Variants in PIAS1 observed in about 807,000 individuals in gnomAD.
PIAS1 encodes the protein E3 SUMO-protein ligase PIAS1.
PIAS1 carries 6 observed loss-of-function variants against 71.3 expected under a neutral mutation model. That is an observed-to-expected ratio of 0.08 (90% CI 0.05 to 0.17). The LOEUF is 0.17. Among genes scored for constraint, PIAS1 ranks in the 10% least tolerant of loss-of-function variants. PIAS1 has a pLI of 1.00. For synonymous variants in PIAS1, 303 were observed against 292.9 expected, an observed-to-expected ratio of 1.03 and a Z score of -0.35; for missense variants, 555 against 793.6, an observed-to-expected ratio of 0.70 and a Z score of 3.61.
rs1175091657 is a variant in PIAS1 at position 68,193,765 on chromosome 15, G to A, written c.*5930G>A. 7.7e-6 allele frequency: 3 copies of A among 389,900 alleles called. No homozygotes were observed. The highest frequency in any genetic ancestry group is 1.4e-5 in the Non-Finnish European group (3 of 214,064). 24.2% of individuals were successfully genotyped at this position (389,900 alleles called of 1,614,324 possible). On this transcript the variant is annotated 3_prime_UTR_variant, in exon 14 of 14. Coordinates refer to ENST00000249636, the MANE Select transcript of PIAS1 (RefSeq NM_016166.3). Reference sequence around the variant, plus strand: ...ACCCAGGCCAGACTCCAAACCGCAGGCTCCTTCCATGCTTGAAAGGGCCGG... The same window carrying A: ...ACCCAGGCCAGACTCCAAACCGCAGACTCCTTCCATGCTTGAAAGGGCCGG...
chr15:68,058,746 T>G (rs192376799), intron 1 of PIAS1, among the ~76,000 whole-genome samples: 1 of 152,274 alleles, frequency 6.6e-6, no homozygotes, highest in East Asian at 1.9e-4. Context: ...ATCTGAGAAG[T>G]AAGCAGAAAA....
chr15:68,071,703 A>G (rs1324214413), intron 1 of PIAS1, among the ~76,000 whole-genome samples: 1 of 150,646 alleles, frequency 6.6e-6, no homozygotes, highest in Non-Finnish European at 1.5e-5. Flanking sequence ...AGTGGCTCAC[A>G]CCTGTAATCC....
intron 11 of PIAS1, among the ~76,000 whole-genome samples, chr15:68,180,911 G>T (rs1401163590): frequency 6.6e-6 from 1 of 152,176 alleles, no homozygotes; most frequent in East Asian, 1.9e-4. Context: ...TGGCTCAACT[G>T]TACCTTTCTC....
rs2093011650 is a variant in PIAS1 at position 68,174,745 on chromosome 15, G to A, written c.1169+853G>A. ...ACCTGTAGTATTTAAGAAAACATAGGAGCCTAAAGGTGGTAATATCAGAAA... is the reference window on the plus strand; with the variant it reads ...ACCTGTAGTATTTAAGAAAACATAGAAGCCTAAAGGTGGTAATATCAGAAA... On this transcript the variant is annotated intron_variant, in intron 9 of 13. Coordinates refer to ENST00000249636, the MANE Select transcript of PIAS1 (RefSeq NM_016166.3). This position sits in a 1 kb window ranked among gnomAD's most constrained non-coding sequence, Gnocchi z 4.0. 6.6e-6 allele frequency among the ~76,000 whole-genome samples: 1 copy of A among 152,110 alleles called. No homozygotes were observed. The highest frequency in any genetic ancestry group is 6.6e-5 in the Admixed American group (1 of 15,264).
rs764527460 is a variant in PIAS1, at chr15:68,185,887, G to A, written c.1663-1655G>A. The stretch of plus-strand genomic sequence containing the variant: ...TGAGGCAGAAGAATCACTTGAACCT[G>A]GGAGGCGGAGGTTGCAGTGAGCCGA... On this transcript the variant is annotated intron_variant, in intron 13 of 13. Transcript: ENST00000249636. The surrounding 1 kb of genome is among the most constrained non-coding windows in gnomAD (Gnocchi z 4.4). Among the ~76,000 whole-genome samples, 4 of 152,058 alleles carry A rather than the reference G, an allele frequency of 2.6e-5. No individual in the cohort carries two copies. Among genetic ancestry groups the A allele is most frequent in the African/African-American group, 4.8e-5 (2 of 41,394 alleles).
chr15:68,076,500 A>G (rs1342580381), intron 1 of PIAS1, among the ~76,000 whole-genome samples: 1 of 152,148 alleles, frequency 6.6e-6, no homozygotes, highest in African/African-American at 2.4e-5. Context: ...ACTCTGTCTC[A>G]AAAAAAGAAA....
chr15:68,181,816 A>T (rs1190756376), intron 12 of PIAS1: 1 of 157,788 alleles, frequency 6.3e-6, no homozygotes, highest in African/African-American at 2.4e-5. Context: ...AGTAGCTGGG[A>T]TTATAGGCGC....
At chr15:68,161,919 ACT>A (rs1485182775) in intron 7 of PIAS1, among the ~76,000 whole-genome samples, 6 of 150,120 alleles carry the variant, frequency 4.0e-5, no homozygotes, top group Non-Finnish European at 5.9e-5. Flanking sequence ...ACAGAGTGAG[ACT>A]CTGTCTCAAA....
intron 2 of PIAS1, among the ~76,000 whole-genome samples, chr15:68,128,377 G>A (rs747853936): frequency 6.6e-6 from 1 of 152,074 alleles, no homozygotes; most frequent in Non-Finnish European, 1.5e-5. Context: ...TTGTTGCCCA[G>A]GCTTAAATGA....
At chr15:68,092,987 C>T (rs144134179) in intron 2 of PIAS1, among the ~76,000 whole-genome samples, 51 of 152,314 alleles carry the variant, frequency 3.3e-4, no homozygotes, top group African/African-American at 1.2e-3. Context: ...AAACATCTTA[C>T]TTTAATGTAT....
intron 1 of PIAS1, among the ~76,000 whole-genome samples, chr15:68,080,939 C>CA (rs2092222987): frequency 6.6e-6 from 1 of 152,152 alleles, no homozygotes; most frequent in African/African-American, 2.4e-5. Context: ...TGTTGTTCAA[C>CA]AAGAAGTACC....
In PIAS1 at chr15:68,174,438, T is replaced by G. The variant is rs1210717584; in HGVS notation, c.1169+546T>G. Among the ~76,000 whole-genome samples, 2 of 152,208 alleles carry G rather than the reference T, an allele frequency of 1.3e-5. No homozygotes were observed. Among genetic ancestry groups the G allele is most frequent in the Non-Finnish European group, 2.9e-5 (2 of 68,030 alleles). ...TATCCTACCAGACATCTTGGAATGTTCCTCTAAATTTTCTTCTATTCTGCA... is the reference window on the plus strand; with the variant it reads ...TATCCTACCAGACATCTTGGAATGTGCCTCTAAATTTTCTTCTATTCTGCA... On this transcript the variant is annotated intron_variant, in intron 9 of 13. Coordinates refer to ENST00000249636, the MANE Select transcript of PIAS1 (RefSeq NM_016166.3). The surrounding 1 kb of genome is among the most constrained non-coding windows in gnomAD (Gnocchi z 4.0).
intron 2 of PIAS1, among the ~76,000 whole-genome samples, chr15:68,139,428 CT>C (rs2092755032): frequency 6.6e-6 from 1 of 152,128 alleles, no homozygotes; most frequent in Admixed American, 6.5e-5. Context: ...TCATAAGTAC[CT>C]CTTAGCAAAG....
intron 1 of PIAS1, among the ~76,000 whole-genome samples, chr15:68,077,020 C>G (rs1164149119): frequency 6.6e-6 from 1 of 152,076 alleles, no homozygotes; most frequent in Non-Finnish European, 1.5e-5. Flanking sequence ...TGGCATGAAA[C>G]ATTACGTTCT....
intron 2 of PIAS1, among the ~76,000 whole-genome samples, chr15:68,099,786 A>G (rs2092407789): frequency 6.6e-6 from 1 of 151,550 alleles, no homozygotes; most frequent in African/African-American, 2.4e-5. Context: ...TTGCCAGCAT[A>G]TTTGTTATTG....
At chr15:68,127,963 C>G (rs1352639453) in intron 2 of PIAS1, among the ~76,000 whole-genome samples, 1 of 152,036 alleles carries the variant, frequency 6.6e-6, no homozygotes, top group Non-Finnish European at 1.5e-5. Context: ...TGGGGTTTCA[C>G]CATGTCAGCC....
At chr15:68,114,603 CTA>C (rs1394154366) in intron 2 of PIAS1, among the ~76,000 whole-genome samples, 1 of 152,042 alleles carries the variant, frequency 6.6e-6, no homozygotes, top group Non-Finnish European at 1.5e-5. Context: ...AGAAAGATGA[CTA>C]TTTTTAGCTT....
chr15:68,080,237 A>G (rs1230720059), intron 1 of PIAS1, among the ~76,000 whole-genome samples: 1 of 152,186 alleles, frequency 6.6e-6, no homozygotes, highest in Non-Finnish European at 1.5e-5. Flanking sequence ...TGTTTAAATT[A>G]TCTATCAAAA....
chr15:68,140,817 G>A (rs551628480), intron 2 of PIAS1, among the ~76,000 whole-genome samples: 39 of 152,244 alleles, frequency 2.6e-4, no homozygotes, highest in Non-Finnish European at 4.7e-4. Context: ...AAGTGCCCCA[G>A]AAGCCGATAG....
Sources: allele counts gnomAD v4.1 joint callset (sites outside exome capture counted in the v4.1 genomes callset), GRCh38; gene constraint gnomAD v4.1.1; non-coding constraint Gnocchi (gnomAD v3.1); transcripts MANE v1.5; gene names NCBI Gene and HGNC (gene_info 2026-07-23, HGNC 2026-07-21).